Variants in NBPF12 observed in about 807,000 individuals in gnomAD.
NBPF12 encodes NBPF family member NBPF12.
In NBPF12, 115 loss-of-function variants were observed where a neutral mutation model predicts 146.4. That is an observed-to-expected ratio of 0.79 (90% confidence interval 0.68 to 0.92). The LOEUF (loss-of-function observed/expected upper bound fraction) is 0.92. Among genes scored for constraint, NBPF12 ranks in the 40% least tolerant of loss-of-function variants. The pLI, the probability that NBPF12 is intolerant of heterozygous loss-of-function variation, is 0.00. For missense variants in NBPF12, 1,205 were observed against 1,326.8 expected (o/e 0.91, Z 1.43); for synonymous variants, 385 against 508.9 (o/e 0.76, Z 3.28).
At chr1:146,974,035 A>G (rs1379490921) in intron 14 of NBPF12, among the ~76,000 whole-genome samples, 5 of 150,682 alleles carry the variant, frequency 3.3e-5, no homozygotes, top group Non-Finnish European at 7.4e-5. Context: ...CTACAATAAT[A>G]CCTACCTCTG....
In NBPF12 at chr1:146,972,293, C is replaced by T. The variant is rs1419745656; in HGVS notation, c.1592-458C>T. On this transcript the variant is annotated intron_variant, in intron 13 of 33. Transcript: ENST00000617844. ...CTTGTAATCCCAGATGCTTGGCAGG[C>T]TGAGTGATGAGAATCGCTTGAACCC... Among the ~76,000 whole-genome samples, 6 of 150,994 alleles carry T rather than the reference C, an allele frequency of 4.0e-5. 1 individual carries two copies. The highest frequency in any genetic ancestry group is 7.4e-5 in the African/African-American group (3 of 40,614).
At chr1:146,954,389 CAAAAAAAAAAAAAA>C (rs1170420550) in intron 2 of NBPF12, among the ~76,000 whole-genome samples, 4 of 24,022 alleles carry the variant, frequency 1.7e-4, no homozygotes, top group African/African-American at 2.3e-4. Context: ...GACTCTGTCT[CAAAAAAAAAAAAAA>C]AAAAAAAAAA....
intron 10 of NBPF12, 98 bp downstream of exon 13, chr1:146,968,648 G>C: frequency 9.2e-7 from 1 of 1,090,102 alleles, no homozygotes. Context: ...CTGGGCCAGG[G>C]GAAGGGCAGG....
intron 9 of NBPF12, among the ~76,000 whole-genome samples, chr1:146,966,966 C>T (rs1274461586): frequency 6.6e-6 from 1 of 150,774 alleles, no homozygotes; most frequent in African/African-American, 2.5e-5. Context: ...ATCGTGTTTT[C>T]AAGAATCCTC....
intron 8 of NBPF12, among the ~76,000 whole-genome samples, chr1:146,965,871 G>T (rs1478854232): frequency 6.8e-6 from 1 of 146,898 alleles, no homozygotes; most frequent in Non-Finnish European, 1.5e-5. Context: ...ACTTTGAGAG[G>T]CCGAGGTGGG....
Position 146,969,614 on chromosome 1 carries a change from C to G in NBPF12, c.1306+18C>G. 5 of 1,609,280 alleles carry G rather than the reference C, an allele frequency of 3.1e-6. No individual in the cohort carries two copies. Among genetic ancestry groups the G allele is most frequent in the Non-Finnish European group, 2.5e-6 (3 of 1,178,462 alleles). On this transcript the variant is annotated intron_variant, in intron 11 of 33. Transcript: ENST00000617844. ...CAGCCCAGGTAAGGTGGCCACAGGC[C>G]CTGATGACCCAAAACCCCAGGCTTA...
At chr1:146,968,723 T>C (rs1283674540) in intron 10 of NBPF12, among the ~76,000 whole-genome samples, 173 bp downstream of exon 13, 1 of 151,606 alleles carries the variant, frequency 6.6e-6, no homozygotes, top group South Asian at 2.1e-4. Flanking sequence ...TAATAAAAAT[T>C]TATGGGTTGC....
chr1:146,972,853 A>G, exon 14 of NBPF12: 1 of 1,266,966 alleles, frequency 7.9e-7, no homozygotes. Flanking sequence ...ATCAATGAGA[A>G]GTTGCGCCCC....
chr1:146,973,656 C>A (rs1434284639), intron 14 of NBPF12, among the ~76,000 whole-genome samples: 3 of 149,036 alleles, frequency 2.0e-5, no homozygotes, highest in East Asian at 2.0e-4. Context: ...GGCATGGTGG[C>A]AGGTGACTGT....
At chr1:146,961,990 G>C (rs1293607504) in intron 4 of NBPF12, among the ~76,000 whole-genome samples, 171 bp from the exon 8 acceptor site, 2 of 152,040 alleles carry the variant, frequency 1.3e-5, no homozygotes, top group Non-Finnish European at 2.9e-5. Flanking sequence ...TGGAGGATCA[G>C]ATGCCAGAAA....
Position 146,980,414 on chromosome 1 carries a change from G to A in NBPF12, c.2450+1404G>A, listed in dbSNP as rs1415293001. Among the ~76,000 whole-genome samples the A allele has an allele frequency of 2.2e-4, 33 of 152,132 alleles. 1 individual carries two copies. Among genetic ancestry groups the A allele is most frequent in the African/African-American group, 7.5e-4 (31 of 41,426 alleles). On this transcript the variant is annotated intron_variant, in intron 19 of 33. Transcript: ENST00000617844. ...GATGCAGTTTCTTCCTAGCTTCAAT[G>A]GTCTTTAGAGTTTGGCATGTTTTTG...
intron 10 of NBPF12, among the ~76,000 whole-genome samples, chr1:146,968,906 G>A (rs1429707893): frequency 1.3e-5 from 2 of 151,248 alleles, no homozygotes; most frequent in Non-Finnish European, 2.9e-5. Flanking sequence ...CCTCCTGACT[G>A]ACTGCGGCTT....
chr1:146,975,040 C>A (rs1656893284), intron 15 of NBPF12, among the ~76,000 whole-genome samples, 199 bp downstream of exon 18: 3 of 116,428 alleles, frequency 2.6e-5, no homozygotes, highest in Non-Finnish European at 5.0e-5. Context: ...TTTCTCAGAG[C>A]CTTGTTTTCT....
chr1:146,972,752 C>T lies in NBPF12; in HGVS notation c.1593C>T (p.Val531=), dbSNP rs1656738558. ...TGTGTTTGCCTTTCTTCTCCCCAGT[C>T]CCTGGCCCCACCTCTTCTGCCACAA... The change falls in exon 14 of 34, where the codon GTC becomes GTT. Residue 531 remains valine (V), a splice_region_variant and synonymous_variant. Transcript: ENST00000617844. 2 of 1,305,752 alleles carry T rather than the reference C, an allele frequency of 1.5e-6. 1 individual carries two copies. Among genetic ancestry groups the T allele is most frequent in the African/African-American group, 2.9e-5 (2 of 67,808 alleles). The allele number at this position is 1,305,752 out of a possible 1,614,324, so 80.9% of individuals were successfully genotyped here.
rs1443162723 is a variant in NBPF12 at position 146,969,726 on chromosome 1, C to T, written c.1306+130C>T. On this transcript the variant is annotated intron_variant, in intron 11 of 33. Coordinates refer to ENST00000617844, the Ensembl canonical transcript of NBPF12. ...CTACACATGTGTGGCCATGACATGA[C>T]CAGGACTTCCTGGGTAAGAACGGAG... 12 of 1,533,702 alleles carry T rather than the reference C, an allele frequency of 7.8e-6. No homozygotes were observed. In the African/African-American group the frequency reaches 9.7e-5, roughly 12 times the overall value.
At chr1:146,965,731 G>A (rs1197812536) in intron 8 of NBPF12, among the ~76,000 whole-genome samples, 2 of 139,522 alleles carry the variant, frequency 1.4e-5, no homozygotes, top group Non-Finnish European at 3.0e-5. Context: ...ACCGGATCTT[G>A]CAGTGAGCCG....
At chr1:146,961,555 CAACT>C in intron 4 of NBPF12, among the ~76,000 whole-genome samples, 1 of 151,872 alleles carries the variant, frequency 6.6e-6, no homozygotes, top group Non-Finnish European at 1.5e-5. Context: ...TAAATTAACA[CAACT>C]AATCTAAATC....
Position 146,962,347 on chromosome 1 carries a change from G to A in NBPF12, c.278+84G>A, listed in dbSNP as rs1275430142. On this transcript the variant is annotated intron_variant, in intron 5 of 33. Coordinates refer to ENST00000617844, the Ensembl canonical transcript of NBPF12. ...CAGCTCGGCGGGGAGAAGTAAGAAC[G>A]AAGCTGGGCCAGGGAAAGGGCAGAA... 5.3e-4 allele frequency: 598 copies of A among 1,132,118 alleles called. 2 individuals carry two copies. Among genetic ancestry groups the A allele is most frequent in the Non-Finnish European group, 7.2e-4 (541 of 754,662 alleles). 70.1% of individuals were successfully genotyped at this position (1,132,118 alleles called of 1,614,324 possible). A position where few individuals can be genotyped will look rare whatever the true frequency, so the allele number is the denominator to read the frequency against.
chr1:146,970,834 T>C lies in NBPF12; in HGVS notation c.1379+115T>C. The C allele has an allele frequency of 3.7e-6, 4 of 1,067,384 alleles. No individual in the cohort carries two copies. The Admixed American group carries it at 5.1e-5, about 14-fold the overall frequency. 66.1% of individuals were successfully genotyped at this position (1,067,384 alleles called of 1,614,324 possible). ...AAAGCCCGCATTCCCTTGGCCACAG[T>C]ATGTGAAATTCAACCCAGCTTAGAC... On this transcript the variant is annotated intron_variant, in intron 12 of 33. Transcript: ENST00000617844.
Sources: allele counts gnomAD v4.1 joint callset (sites outside exome capture counted in the v4.1 genomes callset), GRCh38; gene constraint gnomAD v4.1.1; transcripts MANE v1.5; gene names NCBI Gene and HGNC (gene_info 2026-07-23, HGNC 2026-07-21).